PARD3: variants seen among roughly 807,000 people sequenced by gnomAD.
PARD3 encodes the protein par-3 family cell polarity regulator, also known as partitioning defective 3 homolog.
In PARD3, 75 loss-of-function variants were observed where a neutral mutation model predicts 155.4. That is an observed-to-expected ratio of 0.48 (90% CI 0.40 to 0.58). The LOEUF is 0.58. Ranked by LOEUF, PARD3 falls within the 20% of genes least tolerant of loss-of-function variation. The pLI, the probability that PARD3 is intolerant of heterozygous loss-of-function variation, is 0.00. For missense variants in PARD3, 1,642 were observed against 1,721.7 expected (o/e 0.95, Z 0.82); for synonymous variants, 576 against 610.5 (o/e 0.94, Z 0.83).
intron 1 of PARD3, among the ~76,000 whole-genome samples, chr10:34,769,796 AAAC>A (rs1423427020): frequency 5.7e-5 from 1 of 17,626 alleles, no homozygotes; most frequent in Non-Finnish European, 2.4e-4. Flanking sequence ...ACGAACAAAA[AAAC>A]AAAACAAAAA....
intron 12 of PARD3, among the ~76,000 whole-genome samples, chr10:34,367,690 G>A (rs1378418968): frequency 1.3e-5 from 2 of 152,120 alleles, no homozygotes; most frequent in Non-Finnish European, 2.9e-5. Context: ...GCAACAGAGT[G>A]AGACTTGGTC....
At chr10:34,234,591 C>T in intron 22 of PARD3, among the ~76,000 whole-genome samples, 1 of 152,168 alleles carries the variant, frequency 6.6e-6, no homozygotes, top group East Asian at 1.9e-4. Context: ...TCCTTCAGTA[C>T]TCAGCCAAAT....
intron 22 of PARD3, among the ~76,000 whole-genome samples, chr10:34,147,530 C>CT (rs1948573779): frequency 6.6e-6 from 1 of 151,304 alleles, no homozygotes; most frequent in African/African-American, 2.4e-5. Flanking sequence ...GGATAAAAAC[C>CT]TTTTGATCTT....
intron 1 of PARD3, among the ~76,000 whole-genome samples, chr10:34,710,915 C>G (rs148304665): frequency 6.6e-6 from 1 of 152,128 alleles, no homozygotes. Flanking sequence ...GTAACTGGCA[C>G]GCATAACCTC....
intron 2 of PARD3, among the ~76,000 whole-genome samples, chr10:34,550,104 T>C (rs897941076): frequency 2.0e-5 from 3 of 152,160 alleles, no homozygotes; most frequent in Admixed American, 6.5e-5. Flanking sequence ...ACTGGTTGAT[T>C]CTTTCACAAA....
intron 2 of PARD3, among the ~76,000 whole-genome samples, chr10:34,669,857 T>C (rs769168182): frequency 6.6e-6 from 1 of 152,214 alleles, no homozygotes; most frequent in Non-Finnish European, 1.5e-5. Flanking sequence ...AGGATGTATT[T>C]AAAATTTGGC....
chr10:34,477,202 T>C (rs1370463772), intron 3 of PARD3, among the ~76,000 whole-genome samples: 3 of 152,202 alleles, frequency 2.0e-5, no homozygotes, highest in African/African-American at 7.2e-5. Flanking sequence ...TTTGGTCACA[T>C]TATGGCCACT....
intron 22 of PARD3, among the ~76,000 whole-genome samples, chr10:34,194,225 C>A (rs554434960): frequency 6.6e-6 from 1 of 152,310 alleles, no homozygotes; most frequent in African/African-American, 2.4e-5. Flanking sequence ...TTGTGACATT[C>A]TTCTAGTTGT....
intron 15 of PARD3, chr10:34,344,481 C>T: frequency 1.6e-6 from 1 of 617,714 alleles, no homozygotes; most frequent in South Asian, 7.1e-5. Context: ...CAGGGTTTCA[C>T]ATGTTGGCCA....
At chr10:34,277,804 A>C (rs1251316216) in intron 21 of PARD3, among the ~76,000 whole-genome samples, 1 of 152,168 alleles carries the variant, frequency 6.6e-6, no homozygotes, top group Non-Finnish European at 1.5e-5. Context: ...TACAATCACA[A>C]CTTGTAAAGA....
intron 20 of PARD3, among the ~76,000 whole-genome samples, chr10:34,304,577 G>C (rs963110080): frequency 6.6e-6 from 1 of 152,212 alleles, no homozygotes; most frequent in African/African-American, 2.4e-5. Context: ...GGAAGGGTAA[G>C]ACGGCTCAGA....
At chr10:34,369,172 A>C (rs1362288698) in intron 12 of PARD3, among the ~76,000 whole-genome samples, 1 of 152,126 alleles carries the variant, frequency 6.6e-6, no homozygotes, top group Non-Finnish European at 1.5e-5. Context: ...CAATAGGATA[A>C]TATCACCAAC....
At chr10:34,614,537 G>A (rs1388469735) in intron 2 of PARD3, among the ~76,000 whole-genome samples, 1 of 152,072 alleles carries the variant, frequency 6.6e-6, no homozygotes, top group Non-Finnish European at 1.5e-5. Context: ...AATCATGCAG[G>A]CATAAACATA....
At chr10:34,679,664 A>AGGAG (rs2093775891) in intron 2 of PARD3, among the ~76,000 whole-genome samples, 1 of 152,176 alleles carries the variant, frequency 6.6e-6, no homozygotes, top group South Asian at 2.1e-4. Flanking sequence ...TCACAGAAAG[A>AGGAG]GGAGGGAGGG....
At chr10:34,719,050 C>T (rs1016142365) in intron 1 of PARD3, among the ~76,000 whole-genome samples, 53 of 152,308 alleles carry the variant, frequency 3.5e-4, no homozygotes, top group African/African-American at 1.2e-3. Context: ...CACTCCATCA[C>T]AACTTGTGGT....
intron 3 of PARD3, among the ~76,000 whole-genome samples, chr10:34,499,500 T>C (rs1246212277): frequency 6.6e-6 from 1 of 152,076 alleles, no homozygotes; most frequent in Non-Finnish European, 1.5e-5. Flanking sequence ...TTGAAACAGA[T>C]TTTTTAAATT....
chr10:34,308,854 C>G (rs1002911357), intron 20 of PARD3, among the ~76,000 whole-genome samples: 12 of 152,056 alleles, frequency 7.9e-5, no homozygotes, highest in African/African-American at 2.7e-4. Context: ...ACCTGGGGCA[C>G]AAGACCTGGA....
intron 1 of PARD3, among the ~76,000 whole-genome samples, chr10:34,698,172 A>T (rs1221473805): frequency 3.9e-5 from 6 of 152,304 alleles, no homozygotes; most frequent in Middle Eastern, 3.4e-3. Flanking sequence ...AATGTGGCTT[A>T]TGAAACCATT....
chr10:34,149,736 T>C (rs1006245348), intron 22 of PARD3, among the ~76,000 whole-genome samples: 1 of 152,184 alleles, frequency 6.6e-6, no homozygotes, highest in Non-Finnish European at 1.5e-5. Flanking sequence ...ATTACAAGTA[T>C]GTATATTAAA....
Sources: gnomAD v4.1 joint callset for allele counts (sites outside exome capture counted in the v4.1 genomes callset) on GRCh38, gnomAD v4.1.1 for gene constraint, MANE v1.5 for transcripts, NCBI Gene and HGNC (gene_info 2026-07-23, HGNC 2026-07-21) for gene names.